Variants in PCDHGA1 observed in about 807,000 individuals in gnomAD.
PCDHGA1 encodes protocadherin gamma subfamily A, 1.
PCDHGA1 carries 32 observed loss-of-function variants against 58.0 expected under a neutral mutation model. That is an observed-to-expected ratio of 0.55 (90% confidence interval 0.42 to 0.74). The LOEUF (loss-of-function observed/expected upper bound fraction) is 0.74. Ranked by LOEUF, PCDHGA1 falls within the 30% of genes least tolerant of loss-of-function variation. The probability of loss-of-function intolerance (pLI) is 0.00; values close to 1 mark genes in which losing one functional copy is unlikely to be tolerated. For synonymous variants in PCDHGA1, 498 were observed against 501.1 expected (o/e 0.99, Z 0.08); for missense variants, 1,205 against 1,182.3 (o/e 1.02, Z -0.28).
At chr5:141,384,867 C>T (rs1780607130) in intron 1 of PCDHGA1, 1 of 1,613,660 alleles carries the variant, frequency 6.2e-7, no homozygotes, top group South Asian at 1.1e-5. Context: ...CTCTGTCAGC[C>T]ACCGTCACAC....
intron 1 of PCDHGA1, chr5:141,393,783 G>C: frequency 6.2e-7 from 1 of 1,613,982 alleles, no homozygotes. Context: ...AGCCGAAGAT[G>C]TGGGGGCACT....
chr5:141,430,997 C>G, intron 1 of PCDHGA1: 1 of 1,613,926 alleles, frequency 6.2e-7, no homozygotes. Context: ...CCTGAATCCG[C>G]GCAGCGGCAG....
intron 2 of PCDHGA1, among the ~76,000 whole-genome samples, chr5:141,502,905 A>T (rs1364939091): frequency 1.5e-5 from 2 of 131,814 alleles, no homozygotes; most frequent in Non-Finnish European, 3.0e-5. Flanking sequence ...CTCTGTTGCC[A>T]GGCTGGAGTG....
In PCDHGA1 at chr5:141,419,882, T is replaced by A. The variant is rs145814583; in HGVS notation, c.2422-74925T>A. ...TAGCTTGCAAGAGGTACTGCCGGAT[T>A]TCAGCGACCATCCCACACCCTCTGA... On this transcript the variant is annotated intron_variant, in intron 1 of 3. Transcript: ENST00000517417. The A allele has an allele frequency of 4.9e-3, 7,980 of 1,614,092 alleles. 44 individuals carry two copies. Among genetic ancestry groups the A allele is most frequent in the Admixed American group, 9.4e-3 (567 of 60,032 alleles).
intron 1 of PCDHGA1, chr5:141,392,496 T>C (rs1357893523): frequency 4.6e-6 from 1 of 215,562 alleles, no homozygotes; most frequent in Non-Finnish European, 9.1e-6. Context: ...AATAAGCAAA[T>C]GATTTTTTTT....
intron 1 of PCDHGA1, among the ~76,000 whole-genome samples, chr5:141,368,623 C>A (rs1765768097): frequency 6.6e-6 from 1 of 152,060 alleles, no homozygotes; most frequent in Non-Finnish European, 1.5e-5. Flanking sequence ...GGGTACATTT[C>A]TTCTGAGTTA....
intron 1 of PCDHGA1, chr5:141,341,501 C>G: frequency 6.4e-7 from 1 of 1,551,054 alleles, no homozygotes; most frequent in East Asian, 2.3e-5. Flanking sequence ...AGGGTAGAGT[C>G]AAGTTTTAGG....
chr5:141,352,459 C>T (rs1408846500), intron 1 of PCDHGA1: 3 of 1,613,914 alleles, frequency 1.9e-6, no homozygotes, highest in East Asian at 4.5e-5. Context: ...AGTCTGGGCC[C>T]GGGGTTCCTC....
chr5:141,510,621 A>G (rs1317150967), intron 3 of PCDHGA1, among the ~76,000 whole-genome samples: 1 of 152,176 alleles, frequency 6.6e-6, no homozygotes, highest in Non-Finnish European at 1.5e-5. Flanking sequence ...CACTAAAACC[A>G]GAAGAGGTGG....
chr5:141,350,993 A>G lies in PCDHGA1; in HGVS notation c.2421+17888A>G, dbSNP rs762657865. 9.3e-6 allele frequency: 15 copies of G among 1,614,092 alleles called. No homozygotes were observed. In the South Asian group the frequency reaches 1.2e-4, roughly 13 times the overall value. The stretch of plus-strand genomic sequence containing the variant: ...TCCCGTGTTTAGCCAGGAGGTATAC[A>G]GGGTTAGCCTCCAAGAAAACGTACC... On this transcript the variant is annotated intron_variant, in intron 1 of 3. Transcript: ENST00000517417.
rs1350054715 is a variant in PCDHGA1 at position 141,330,761 on chromosome 5, C to T, written c.77C>T (p.Ala26Val). The T allele has an allele frequency of 2.5e-5, 41 of 1,614,026 alleles. No homozygotes were observed. Among genetic ancestry groups the T allele is most frequent in the Non-Finnish European group, 3.4e-5 (40 of 1,180,008 alleles). ...CTTTCTCTGGAGCTGCTGTTGGAAG[C>T]TGGGGCTGGGAATATTCACTACTCA... ...LCLSLELLLE[A>V]GAGNIHYSVP... The change falls in exon 1 of 4, where the codon GCT becomes GTT. Residue 26 changes from alanine (A) to valine (V), a missense_variant. Physicochemically the swap from Ala to Val is moderately conservative, Grantham distance 64. Transcript: ENST00000517417.
At chr5:141,444,329 G>A (rs536314842) in intron 1 of PCDHGA1, among the ~76,000 whole-genome samples, 17 of 151,674 alleles carry the variant, frequency 1.1e-4, no homozygotes, top group Admixed American at 1.1e-3. Flanking sequence ...GTGCCACCAC[G>A]CCCAGCTAAT....
At chr5:141,336,158 G>A (rs980945584) in intron 1 of PCDHGA1, among the ~76,000 whole-genome samples, 1 of 152,096 alleles carries the variant, frequency 6.6e-6, no homozygotes, top group Non-Finnish European at 1.5e-5. Flanking sequence ...AATAATGGAA[G>A]CAGACAATAA....
intron 1 of PCDHGA1, chr5:141,357,065 A>C: frequency 1.2e-6 from 2 of 1,613,964 alleles, no homozygotes; most frequent in Non-Finnish European, 8.5e-7. Context: ...GTGGGGCTGC[A>C]CACAGGCGAG....
intron 1 of PCDHGA1, among the ~76,000 whole-genome samples, chr5:141,407,567 A>T (rs554405122): frequency 7.0e-4 from 107 of 152,170 alleles, no homozygotes; most frequent in African/African-American, 2.5e-3. Context: ...AAGCTGAAAG[A>T]TAAAATTCTT....
At chr5:141,389,191 T>G in intron 1 of PCDHGA1, 1 of 1,614,050 alleles carries the variant, frequency 6.2e-7, no homozygotes, top group African/African-American at 1.3e-5. Context: ...AGTTCCAGCA[T>G]CACCCTGCAC....
chr5:141,352,555 C>G, intron 1 of PCDHGA1: 1 of 1,614,008 alleles, frequency 6.2e-7, no homozygotes, highest in Non-Finnish European at 8.5e-7. Context: ...ATTCTCTCAA[C>G]CTGACACCGG....
At position 141,491,969 on chromosome 5, in the gene PCDHGA1, C is replaced by A; in HGVS notation, c.2422-2838C>A. ...CCCCTACACTCAAAAAAGGCCGGGGCCTCCTTCGAGCTTCCGGTGAATTTC... is the reference window on the plus strand; with the variant it reads ...CCCCTACACTCAAAAAAGGCCGGGGACTCCTTCGAGCTTCCGGTGAATTTC... On this transcript the variant is annotated intron_variant, in intron 1 of 3. Coordinates refer to ENST00000517417, the MANE Select transcript of PCDHGA1 (RefSeq NM_018912.3). The surrounding 1 kb of genome is among the most constrained non-coding windows in gnomAD (Gnocchi z 6.9). 1 of 898,714 alleles carries A rather than the reference C, an allele frequency of 1.1e-6. No individual in the cohort carries two copies. Among genetic ancestry groups the A allele is most frequent in the Non-Finnish European group, 1.6e-6 (1 of 629,384 alleles). 55.7% of individuals were successfully genotyped at this position (898,714 alleles called of 1,614,324 possible). A position where few individuals can be genotyped will look rare whatever the true frequency, so the allele number is the denominator to read the frequency against.
chr5:141,494,751 G>C (rs2099756509), intron 1 of PCDHGA1, 56 bp from the exon 2 acceptor site: 2 of 1,613,426 alleles, frequency 1.2e-6, no homozygotes, highest in African/African-American at 1.3e-5. Flanking sequence ...AGGGGCTCGG[G>C]TGACATTCTA....
Sources: allele counts gnomAD v4.1 joint callset (sites outside exome capture counted in the v4.1 genomes callset), GRCh38; gene constraint gnomAD v4.1.1; non-coding constraint Gnocchi (gnomAD v3.1); transcripts MANE v1.5; gene names NCBI Gene and HGNC (gene_info 2026-07-23, HGNC 2026-07-21).